Variants in DCC observed in about 807,000 individuals in gnomAD.
DCC encodes netrin receptor DCC.
Under a neutral mutation model 172.5 loss-of-function variants are expected in DCC, and 58 were observed. The observed-to-expected ratio is 0.34, with a 90% CI of 0.27 to 0.42. The LOEUF (loss-of-function observed/expected upper bound fraction) is 0.42, where lower values mean the gene tolerates loss of function less well. Ranked by LOEUF, DCC falls within the 10% of genes least tolerant of loss-of-function variation. DCC has a pLI of 1.00. For synonymous variants in DCC, 709 were observed against 644.5 expected (o/e 1.10, Z -1.52); for missense variants, 1,740 against 1,791.0 (o/e 0.97, Z 0.51).
At chr18:52,972,633 G>A (rs1006937306) in intron 5 of DCC, among the ~76,000 whole-genome samples, 1 of 151,598 alleles carries the variant, frequency 6.6e-6, no homozygotes, top group Non-Finnish European at 1.5e-5. Flanking sequence ...TGTATACTGG[G>A]CCAAAAGCAA....
intron 1 of DCC, among the ~76,000 whole-genome samples, chr18:52,572,985 G>A (rs2033334949): frequency 6.6e-6 from 1 of 152,058 alleles, no homozygotes; most frequent in Non-Finnish European, 1.5e-5. Flanking sequence ...AGTGTCTACT[G>A]CCAGAAAACC....
chr18:53,432,379 T>C (rs1041828751), intron 21 of DCC, among the ~76,000 whole-genome samples: 2 of 152,206 alleles, frequency 1.3e-5, no homozygotes, highest in Non-Finnish European at 1.5e-5. Context: ...TCTAGGACTA[T>C]GCGTTGCATG....
At chr18:53,497,405 G>A (rs180932092) in intron 26 of DCC, among the ~76,000 whole-genome samples, 55 of 152,300 alleles carry the variant, frequency 3.6e-4, no homozygotes, top group African/African-American at 1.3e-3. Context: ...TGGTTGGAAG[G>A]AATTGCTATC....
At chr18:53,514,156 A>C (rs557667544) in intron 27 of DCC, among the ~76,000 whole-genome samples, 1 of 152,308 alleles carries the variant, frequency 6.6e-6, no homozygotes, top group East Asian at 1.9e-4. Context: ...CTCACTCAAA[A>C]CCGCTCAACT....
intron 11 of DCC, among the ~76,000 whole-genome samples, chr18:53,214,705 A>C (rs1187075196): frequency 6.6e-6 from 1 of 152,160 alleles, no homozygotes; most frequent in Non-Finnish European, 1.5e-5. Context: ...TTATGGGGCA[A>C]AAAGCTTTAT....
At chr18:53,524,560 A>G (rs1168212922) in intron 27 of DCC, among the ~76,000 whole-genome samples, 1 of 152,116 alleles carries the variant, frequency 6.6e-6, no homozygotes, top group Non-Finnish European at 1.5e-5. Context: ...TTATGTTTGT[A>G]TATATTTTAA....
intron 1 of DCC, among the ~76,000 whole-genome samples, chr18:52,690,661 T>G (rs1240891867): frequency 6.6e-6 from 1 of 152,152 alleles, no homozygotes; most frequent in Non-Finnish European, 1.5e-5. Flanking sequence ...CAGTAGGGAA[T>G]CTAAGGTTCA....
At chr18:52,460,484 T>C (rs1479100855) in intron 1 of DCC, among the ~76,000 whole-genome samples, 2 of 152,320 alleles carry the variant, frequency 1.3e-5, no homozygotes, top group South Asian at 2.1e-4. Context: ...TGCTGGTGTC[T>C]CTCCATCTTT....
chr18:53,162,984 A>G (rs2054865563), intron 8 of DCC, among the ~76,000 whole-genome samples: 1 of 152,232 alleles, frequency 6.6e-6, no homozygotes, highest in African/African-American at 2.4e-5. Flanking sequence ...TGAAATGTCA[A>G]CTACTGTGTG....
At chr18:52,465,688 T>C (rs1988764348) in intron 1 of DCC, among the ~76,000 whole-genome samples, 1 of 152,130 alleles carries the variant, frequency 6.6e-6, no homozygotes, top group African/African-American at 2.4e-5. Flanking sequence ...AAAAGCCAGC[T>C]CCATTGTTCA....
Position 53,279,259 on chromosome 18 carries a change from A to C in DCC, c.1912-26319A>C, listed in dbSNP as rs111805922. ...CTTGGAACCAAGCCAAATGTCCAAC[A>C]ATGATAGACTGGATTAAGAAAATGT... On this transcript the variant is annotated intron_variant, in intron 12 of 28. Transcript: ENST00000442544. Among the ~76,000 whole-genome samples the C allele has an allele frequency of 2.0e-5, 3 of 152,148 alleles. 1 individual carries two copies. Among genetic ancestry groups the C allele is most frequent in the African/African-American group, 7.2e-5 (3 of 41,516 alleles).
rs1006807937 is a variant in DCC, at chr18:53,154,147, C to A, written c.1262-3209C>A. On this transcript the variant is annotated intron_variant, in intron 7 of 28. Coordinates refer to ENST00000442544, the MANE Select transcript of DCC (RefSeq NM_005215.4). ...AGAAGGAGTAGGTAGATAAATACCC[C>A]TATCCACTACTCTGAGGGATGAATA... Among the ~76,000 whole-genome samples, 3 of 152,246 alleles carry A rather than the reference C, an allele frequency of 2.0e-5. No individual in the cohort carries two copies. In the East Asian group the frequency reaches 5.8e-4, roughly 29 times the overall value.
intron 24 of DCC, among the ~76,000 whole-genome samples, chr18:53,462,169 T>C (rs1225536407): frequency 6.6e-6 from 1 of 152,194 alleles, no homozygotes; most frequent in African/African-American, 2.4e-5. Context: ...AACAGAAGTA[T>C]GACTTATTTA....
intron 7 of DCC, among the ~76,000 whole-genome samples, chr18:53,124,162 T>G (rs950717079): frequency 2.0e-5 from 3 of 152,148 alleles, no homozygotes; most frequent in African/African-American, 7.2e-5. Context: ...CTTAACCAAT[T>G]GCTTTCTGTT....
At chr18:53,425,912 T>C (rs62098283) in intron 21 of DCC, among the ~76,000 whole-genome samples, 65,671 of 151,946 alleles carry the variant, frequency 0.43, 15,980 homozygotes, top group Non-Finnish European at 0.56. Flanking sequence ...TTCTAAAATA[T>C]ATGTGTAATT....
Position 52,582,269 on chromosome 18 carries a change from C to T in DCC, c.92-169785C>T, listed in dbSNP as rs1001042995. 4.6e-5 allele frequency among the ~76,000 whole-genome samples: 7 copies of T among 152,138 alleles called. No individual in the cohort carries two copies. In the South Asian group the frequency reaches 1.2e-3, roughly 27 times the overall value. On this transcript the variant is annotated intron_variant, in intron 1 of 28. Coordinates refer to ENST00000442544, the MANE Select transcript of DCC (RefSeq NM_005215.4). Reference sequence around the variant, plus strand: ...CATTTTTAATATTTGCTGAGTATTGCTATTTATGTGTTATTAGAAAATGCA... The same window carrying T: ...CATTTTTAATATTTGCTGAGTATTGTTATTTATGTGTTATTAGAAAATGCA...
chr18:52,566,758 C>A lies in DCC; in HGVS notation c.92-185296C>A, dbSNP rs1255191270. ...TGACTTCAGACTCTTTGGGGTACAGCAAAGAAGGAGTTTGAAGCTATGAGC... is the reference window on the plus strand; with the variant it reads ...TGACTTCAGACTCTTTGGGGTACAGAAAAGAAGGAGTTTGAAGCTATGAGC... On this transcript the variant is annotated intron_variant, in intron 1 of 28. Coordinates refer to ENST00000442544, the MANE Select transcript of DCC (RefSeq NM_005215.4). Among the ~76,000 whole-genome samples the A allele has an allele frequency of 2.0e-5, 3 of 151,934 alleles. No individual in the cohort carries two copies. The South Asian group carries it at 6.2e-4, about 31-fold the overall frequency.
intron 1 of DCC, among the ~76,000 whole-genome samples, chr18:52,362,500 AAG>A (rs1262940467): frequency 6.6e-6 from 1 of 152,196 alleles, no homozygotes; most frequent in African/African-American, 2.4e-5. Context: ...AATCTTTCAT[AAG>A]TTTGTAAGGG....
At chr18:52,637,140 C>G (rs554350074) in intron 1 of DCC, among the ~76,000 whole-genome samples, 1 of 152,322 alleles carries the variant, frequency 6.6e-6, no homozygotes, top group East Asian at 1.9e-4. Context: ...ATCAAAGGAA[C>G]ACCCCATGGG....
Sources: gnomAD v4.1 joint callset for allele counts (sites outside exome capture counted in the v4.1 genomes callset) on GRCh38, gnomAD v4.1.1 for gene constraint, MANE v1.5 for transcripts, NCBI Gene and HGNC (gene_info 2026-07-23, HGNC 2026-07-21) for gene names.